The following DGKI variants were observed in gnomAD, a reference collection of about 807,000 sequenced individuals.
The protein encoded by DGKI is DAG kinase iota.
In DGKI, 55 loss-of-function variants were observed where a neutral mutation model predicts 147.5. The ratio of observed to expected loss-of-function variants is 0.37; its 90% CI spans 0.30 to 0.47. DGKI has a LOEUF of 0.47. Among genes scored for constraint, DGKI ranks in the 20% least tolerant of loss-of-function variants. The pLI is 1.00. For synonymous variants in DGKI, 469 were observed against 477.1 expected (o/e 0.98, Z 0.22); for missense variants, 1,007 against 1,323.8 (o/e 0.76, Z 3.71).
intron 14 of DGKI, among the ~76,000 whole-genome samples, chr7:137,583,874 T>A (rs992176936): frequency 6.6e-6 from 1 of 152,122 alleles, no homozygotes; most frequent in African/African-American, 2.4e-5. Context: ...ATTATAAACT[T>A]GAATTCAGCT....
intron 21 of DGKI, among the ~76,000 whole-genome samples, chr7:137,495,417 A>G (rs1443589536): frequency 6.8e-6 from 1 of 147,482 alleles, no homozygotes; most frequent in East Asian, 2.0e-4. Context: ...AAAAAAAAAA[A>G]GAAAGAAAAC....
At chr7:137,404,503 G>A (rs1396901690) in intron 30 of DGKI, among the ~76,000 whole-genome samples, 1 of 152,086 alleles carries the variant, frequency 6.6e-6, no homozygotes, top group Non-Finnish European at 1.5e-5. Context: ...GGTGATCCTT[G>A]GACTGAACAT....
At chr7:137,632,496 C>A (rs551034664) in intron 6 of DGKI, among the ~76,000 whole-genome samples, 1 of 152,208 alleles carries the variant, frequency 6.6e-6, no homozygotes, top group South Asian at 2.1e-4. Context: ...GACTAATGGA[C>A]AACTGTACAA....
intron 23 of DGKI, among the ~76,000 whole-genome samples, chr7:137,472,299 T>TGTGTATATACATATAATA (rs376533829): frequency 2.6e-4 from 1 of 3,918 alleles, no homozygotes; most frequent in Non-Finnish European, 1.2e-3. Context: ...TATGTGTATA[T>TGTGTATATACATATAATA]TTATGTGTAT....
chr7:137,625,110 G>A (rs73455326), intron 6 of DGKI, among the ~76,000 whole-genome samples: 4,286 of 152,250 alleles, frequency 0.028, 216 homozygotes, highest in African/African-American at 0.098. Context: ...AAACCTAAGC[G>A]GTATTTTCAC....
At chr7:137,488,453 T>C (rs1178349302) in intron 21 of DGKI, among the ~76,000 whole-genome samples, 4 of 152,114 alleles carry the variant, frequency 2.6e-5, no homozygotes, top group African/African-American at 9.7e-5. Context: ...CTTTAGTGTA[T>C]AGAACCTACT....
chr7:137,460,270 A>G (rs1302625896), intron 27 of DGKI, among the ~76,000 whole-genome samples: 1 of 152,240 alleles, frequency 6.6e-6, no homozygotes, highest in Non-Finnish European at 1.5e-5. Flanking sequence ...AACTGCATAT[A>G]TATTCTGCAA....
At chr7:137,703,564 T>C (rs545822097) in intron 1 of DGKI, among the ~76,000 whole-genome samples, 135 of 152,246 alleles carry the variant, frequency 8.9e-4, no homozygotes, top group African/African-American at 1.3e-3. Context: ...CTTGAAAAAA[T>C]TGGGGACACT....
At chr7:137,732,213 T>A (rs1260483551) in intron 1 of DGKI, among the ~76,000 whole-genome samples, 1 of 152,060 alleles carries the variant, frequency 6.6e-6, no homozygotes, top group Non-Finnish European at 1.5e-5. Context: ...ACATTTTGTA[T>A]GCCTTTCATA....
intron 5 of DGKI, among the ~76,000 whole-genome samples, chr7:137,648,174 G>A (rs1277253316): frequency 1.3e-5 from 2 of 152,174 alleles, no homozygotes; most frequent in Non-Finnish European, 2.9e-5. Flanking sequence ...TGCTGTTAGT[G>A]TAGCAGAAGC....
chr7:137,528,240 T>A (rs1483119149), intron 20 of DGKI, among the ~76,000 whole-genome samples: 1 of 152,200 alleles, frequency 6.6e-6, no homozygotes, highest in Non-Finnish European at 1.5e-5. Context: ...AATAAATCCA[T>A]GTTGAATTAT....
chr7:137,678,453 A>C, intron 3 of DGKI, 104 bp downstream of exon 3: 1 of 1,072,264 alleles, frequency 9.3e-7, no homozygotes, highest in Non-Finnish European at 1.4e-6. Flanking sequence ...CCATCTCACA[A>C]GGACAGGCTC....
chr7:137,513,833 G>A (rs538464546), intron 21 of DGKI: 9 of 686,098 alleles, frequency 1.3e-5, no homozygotes, highest in African/African-American at 7.1e-5. Context: ...CGGCCTTAGC[G>A]CCATTTTTTT....
At chr7:137,535,834 A>G (rs905630893) in intron 20 of DGKI, among the ~76,000 whole-genome samples, 5 of 152,178 alleles carry the variant, frequency 3.3e-5, no homozygotes, top group African/African-American at 7.2e-5. Context: ...ATAAGAACAC[A>G]GGAACGATTC....
At chr7:137,672,169 G>A (rs1034020598) in intron 3 of DGKI, among the ~76,000 whole-genome samples, 2 of 152,192 alleles carry the variant, frequency 1.3e-5, no homozygotes, top group Admixed American at 6.5e-5. Context: ...TGCTGTAGAC[G>A]CACCTGTGTG....
intron 28 of DGKI, among the ~76,000 whole-genome samples, chr7:137,426,852 A>C (rs1476443207): frequency 2.0e-5 from 3 of 152,138 alleles, no homozygotes; most frequent in African/African-American, 7.2e-5. Context: ...AGAGCTAACT[A>C]TCCTAAATAT....
intron 3 of DGKI, among the ~76,000 whole-genome samples, chr7:137,661,737 C>T (rs548153633): frequency 4.1e-4 from 62 of 152,292 alleles, no homozygotes; most frequent in African/African-American, 1.4e-3. Flanking sequence ...CCACAAAGCC[C>T]GGTCCACAGC....
At chr7:137,565,321 T>G (rs1333802084) in intron 19 of DGKI, among the ~76,000 whole-genome samples, 1 of 152,140 alleles carries the variant, frequency 6.6e-6, no homozygotes, top group East Asian at 1.9e-4. Flanking sequence ...ATAAAGCAAT[T>G]AGAAACACAT....
chr7:137,814,845 C>CA (rs1409494726), intron 1 of DGKI, among the ~76,000 whole-genome samples: 18 of 151,846 alleles, frequency 1.2e-4, no homozygotes, highest in Admixed American at 7.9e-4. Flanking sequence ...TATTTTAAAA[C>CA]AAAAAAATGG....
Sources: gnomAD v4.1 joint callset for allele counts (sites outside exome capture counted in the v4.1 genomes callset) on GRCh38, gnomAD v4.1.1 for gene constraint, MANE v1.5 for transcripts, NCBI Gene and HGNC (gene_info 2026-07-23, HGNC 2026-07-21) for gene names.